The following TMEM117 variants were observed in gnomAD, a reference collection of about 807,000 sequenced individuals.
TMEM117 encodes the protein transmembrane protein 117.
In TMEM117, 27 loss-of-function variants were observed where a neutral mutation model predicts 52.4. That is an observed-to-expected ratio of 0.51 (90% CI 0.38 to 0.71). The LOEUF (loss-of-function observed/expected upper bound fraction) is 0.71, where lower values mean the gene tolerates loss of function less well. TMEM117 is among the 30% of genes least tolerant of loss of function. The pLI is 0.00. For synonymous variants in TMEM117, 215 were observed against 206.3 expected, an observed-to-expected ratio of 1.04 and a Z score of -0.36; for missense variants, 556 against 630.5, an observed-to-expected ratio of 0.88 and a Z score of 1.26.
intron 5 of TMEM117, among the ~76,000 whole-genome samples, chr12:44,293,710 G>A (rs866823726): frequency 2.0e-5 from 3 of 151,918 alleles, no homozygotes; most frequent in South Asian, 2.1e-4. Context: ...CCCAGTCAAC[G>A]TTTTATGCTA....
At chr12:44,213,906 T>A (rs1949679841) in intron 5 of TMEM117, among the ~76,000 whole-genome samples, 1 of 152,140 alleles carries the variant, frequency 6.6e-6, no homozygotes, top group South Asian at 2.1e-4. Context: ...GAGTAATACA[T>A]GTATCTTCAA....
At chr12:43,995,218 CCGAGA>C (rs1414289859) in intron 3 of TMEM117, among the ~76,000 whole-genome samples, 1 of 151,246 alleles carries the variant, frequency 6.6e-6, no homozygotes, top group Non-Finnish European at 1.5e-5. Context: ...TTGCAGTGAG[CCGAGA>C]TTGCACCACT....
intron 6 of TMEM117, among the ~76,000 whole-genome samples, chr12:44,325,483 CTATTTA>C (rs1194542751): frequency 1.3e-5 from 2 of 148,906 alleles, no homozygotes; most frequent in Admixed American, 6.6e-5. Flanking sequence ...TTTTTCTCAA[CTATTTA>C]TATTTATATT....
intron 6 of TMEM117, among the ~76,000 whole-genome samples, chr12:44,308,172 G>A (rs1950927467): frequency 6.6e-6 from 1 of 152,126 alleles, no homozygotes; most frequent in African/African-American, 2.4e-5. Context: ...TGGGGTATTC[G>A]TTTAAAAGAG....
At chr12:44,284,298 G>A (rs112917346) in intron 5 of TMEM117, among the ~76,000 whole-genome samples, 3,117 of 151,920 alleles carry the variant, frequency 0.021, 100 homozygotes, top group African/African-American at 0.07. Context: ...GTGACACAGC[G>A]AGACTCCGTC....
intron 6 of TMEM117, among the ~76,000 whole-genome samples, chr12:44,337,954 A>C (rs983592783): frequency 1.3e-5 from 2 of 152,090 alleles, no homozygotes; most frequent in African/African-American, 2.4e-5. Flanking sequence ...CTACATGGGG[A>C]AATGCTGACT....
At chr12:44,391,214 T>C (rs1045843614), downstream of TMEM117, among the ~76,000 whole-genome samples, 2 of 152,178 alleles carry the variant, frequency 1.3e-5, no homozygotes, top group Non-Finnish European at 2.9e-5. Flanking sequence ...AGTACTTCAT[T>C]AGTAGTTGAA....
chr12:44,183,483 T>C (rs1224565304), intron 4 of TMEM117, among the ~76,000 whole-genome samples: 2 of 152,208 alleles, frequency 1.3e-5, no homozygotes, highest in Non-Finnish European at 2.9e-5. Flanking sequence ...TTTTGCCTGG[T>C]TCCTGCACAA....
chr12:44,361,571 G>C (rs1398341114), intron 6 of TMEM117, among the ~76,000 whole-genome samples: 2 of 152,086 alleles, frequency 1.3e-5, no homozygotes, highest in African/African-American at 2.4e-5. Flanking sequence ...ATTAAATATT[G>C]GTGAATAATC....
At chr12:43,805,419 G>T in the TMEM117 span, 1 of 384,128 alleles carries the variant, frequency 2.6e-6, no homozygotes, top group Non-Finnish European at 5.3e-6. Context: ...TCATCTGGGA[G>T]AAAGACTCGC....
intron 2 of TMEM117, among the ~76,000 whole-genome samples, chr12:43,875,548 G>T (rs988460179): frequency 1.3e-5 from 2 of 152,096 alleles, no homozygotes; most frequent in Admixed American, 6.6e-5. Flanking sequence ...AGTCATGCAG[G>T]ACTGTGTCCA....
intron 5 of TMEM117, among the ~76,000 whole-genome samples, chr12:44,282,708 G>C (rs184594867): frequency 6.6e-6 from 1 of 152,322 alleles, no homozygotes; most frequent in East Asian, 1.9e-4. Context: ...TGACAGAAAA[G>C]AAAAGTCCAT....
intron 3 of TMEM117, among the ~76,000 whole-genome samples, chr12:44,116,125 T>C (rs1406113308): frequency 6.6e-6 from 1 of 152,234 alleles, no homozygotes; most frequent in Non-Finnish European, 1.5e-5. Flanking sequence ...TTAACAGATA[T>C]ATTTCAATTC....
chr12:43,807,708 T>TCCTGAAGA, the TMEM117 span, among the ~76,000 whole-genome samples: 1,182 of 152,262 alleles, frequency 7.8e-3, 19 homozygotes, highest in African/African-American at 0.027. Context: ...GTATTCTCAG[T>TCCTGAAGA]CCTGAAGAAG....
chr12:44,222,334 G>T (rs1160590756), intron 5 of TMEM117, among the ~76,000 whole-genome samples: 1 of 152,144 alleles, frequency 6.6e-6, no homozygotes, highest in African/African-American at 2.4e-5. Flanking sequence ...TGGGTCATCT[G>T]CAGGACTTTG....
intron 5 of TMEM117, among the ~76,000 whole-genome samples, chr12:44,251,693 A>G (rs1950198684): frequency 6.6e-6 from 1 of 152,250 alleles, no homozygotes; most frequent in Non-Finnish European, 1.5e-5. Context: ...ATCTACCAAC[A>G]GTCCTAACTA....
At chr12:44,351,481 A>G (rs1951561096) in intron 6 of TMEM117, among the ~76,000 whole-genome samples, 1 of 151,904 alleles carries the variant, frequency 6.6e-6, no homozygotes, top group African/African-American at 2.4e-5. Flanking sequence ...TACTAGTTTC[A>G]TAGTTTGAGG....
chr12:43,863,283 C>CAAACA (rs1555178365), intron 2 of TMEM117, among the ~76,000 whole-genome samples: 3 of 148,030 alleles, frequency 2.0e-5, no homozygotes, highest in South Asian at 2.2e-4. Flanking sequence ...AACAAACAAA[C>CAAACA]AAAACTTCAA....
intron 3 of TMEM117, among the ~76,000 whole-genome samples, chr12:43,947,392 AC>A (rs1328312792): frequency 7.9e-5 from 12 of 152,224 alleles, no homozygotes; most frequent in Non-Finnish European, 1.5e-4. Context: ...TGTATAATTA[AC>A]TTTTATGACA....
Sources: gnomAD v4.1 joint callset for allele counts (sites outside exome capture counted in the v4.1 genomes callset) on GRCh38, gnomAD v4.1.1 for gene constraint, MANE v1.5 for transcripts, NCBI Gene and HGNC (gene_info 2026-07-23, HGNC 2026-07-21) for gene names.